The following PLA2G4D variants were observed in gnomAD, a reference collection of about 807,000 sequenced individuals.
PLA2G4D encodes cytosolic phospholipase A2 delta.
A neutral mutation model predicts 94.4 loss-of-function variants in PLA2G4D; 80 were observed. The ratio of observed to expected loss-of-function variants is 0.85; its 90% CI spans 0.71 to 1.02. The LOEUF is 1.02. Among genes scored for constraint, PLA2G4D ranks in the 50% least tolerant of loss-of-function variants. The pLI is 0.00. For missense variants in PLA2G4D, 1,050 were observed against 1,034.7 expected, an observed-to-expected ratio of 1.01 and a Z score of -0.20; for synonymous variants, 438 against 440.9, an observed-to-expected ratio of 0.99 and a Z score of 0.08.
At chr15:42,081,859 C>T (rs1224519146) in intron 9 of PLA2G4D, 25 bp from the exon 10 acceptor site, 1 of 1,614,054 alleles carries the variant, frequency 6.2e-7, no homozygotes, top group South Asian at 1.1e-5. Flanking sequence ...AGAGACTCTG[C>T]TCAGACCCTC....
rs373289672 is a variant in PLA2G4D at position 42,081,133 on chromosome 15, C to T, written c.958G>A (p.Val320Ile). The stretch of plus-strand genomic sequence containing the variant: ...GTGGCCATGATGCCCACAACGGGTA[C>T]CTGGACCACACACAGACAGGCTGGA... ...QLDRDLQEDE[V>I]PVVGIMATGG... is the part of the protein sequence containing the mutation. Residue 320 changes from valine to isoleucine, a missense_variant and splice_region_variant, in exon 12 of 20, where the codon GTA (valine) becomes ATA (isoleucine). Val to Ile is a conservative substitution (Grantham distance 29). Coordinates refer to ENST00000290472, the MANE Select transcript of PLA2G4D (RefSeq NM_178034.4). The T allele has an allele frequency of 3.1e-6, 5 of 1,613,342 alleles. No homozygotes were observed. The highest frequency in any genetic ancestry group is 4.2e-6 in the Non-Finnish European group (5 of 1,179,564).
At chr15:42,081,654 A>G in intron 10 of PLA2G4D, 40 bp from the exon 11 acceptor site, 6 of 1,611,516 alleles carry the variant, frequency 3.7e-6, no homozygotes, top group Non-Finnish European at 3.4e-6. Flanking sequence ...GGACACCTGC[A>G]TAGCTCAGCC....
In PLA2G4D at chr15:42,084,384, C is replaced by A. The variant is rs1237340293; in HGVS notation, c.472-605G>T. On this transcript the variant is annotated intron_variant, in intron 6 of 19. Coordinates refer to ENST00000290472, the MANE Select transcript of PLA2G4D (RefSeq NM_178034.4). The surrounding 1 kb of genome is among the most constrained non-coding windows in gnomAD (Gnocchi z 4.8). ...ATCACCTCCTAAGAGGCAGTGCCATCGGCTTGACTTTATTTTCATGTGTAT... is the reference window on the plus strand; with the variant it reads ...ATCACCTCCTAAGAGGCAGTGCCATAGGCTTGACTTTATTTTCATGTGTAT... Among the ~76,000 whole-genome samples the A allele has an allele frequency of 3.9e-5, 6 of 152,156 alleles. No individual in the cohort carries two copies. Among genetic ancestry groups the A allele is most frequent in the African/African-American group, 1.2e-4 (5 of 41,428 alleles).
Position 42,083,389 on chromosome 15 carries a change from G to A in PLA2G4D, c.536-55C>T, listed in dbSNP as rs562092661. On this transcript the variant is annotated intron_variant, in intron 7 of 19. Coordinates refer to ENST00000290472, the MANE Select transcript of PLA2G4D (RefSeq NM_178034.4). The stretch of plus-strand genomic sequence containing the variant: ...GAACAAGAGCCCGGAACCCCAGCTC[G>A]GACCTGGGACAGCAGCACCACCACC... 1.0e-4 allele frequency: 163 copies of A among 1,565,752 alleles called. 1 individual carries two copies. The highest frequency in any genetic ancestry group is 1.0e-3 in the African/African-American group (74 of 73,726).
chr15:42,071,895 G>C lies in PLA2G4D; in HGVS notation c.1452C>G (p.Ser484=). 6.2e-7 allele frequency: 1 copy of C among 1,614,162 alleles called. No individual in the cohort carries two copies. The highest frequency in any genetic ancestry group is 1.7e-4 in the Middle Eastern group (1 of 6,060). Residue 484 remains serine (S), a synonymous_variant, in exon 15 of 20, where the codon TCC becomes TCG. Transcript: ENST00000290472. Reference sequence around the variant, plus strand: ...ACTTCAGGAAACCGACCTCATAGGGGGAGAACTCAACCCACTCTAATGGGG... The same window carrying C: ...ACTTCAGGAAACCGACCTCATAGGGCGAGAACTCAACCCACTCTAATGGGG... ...TLDFKEWVEF[S]PYEVGFLKYG...
chr15:42,072,009 G>C, intron 14 of PLA2G4D, 98 bp from the exon 15 acceptor site: 1 of 1,433,640 alleles, frequency 7.0e-7, no homozygotes, highest in Non-Finnish European at 9.5e-7. Context: ...CAGCAGGCCT[G>C]AGCCCTGCTG....
At chr15:42,071,655 T>TCCCCCCCCCCCCCCC in intron 15 of PLA2G4D, 104 bp from the exon 16 acceptor site, 5 of 1,178,976 alleles carry the variant, frequency 4.2e-6, no homozygotes, top group Admixed American at 2.1e-5. Context: ...CTACAATGCA[T>TCCCCCCCCCCCCCCC]CCCCCCCGCC....
chr15:42,083,063 AG>A, intron 8 of PLA2G4D, 134 bp downstream of exon 8: 3 of 1,170,660 alleles, frequency 2.6e-6, no homozygotes, highest in Non-Finnish European at 3.5e-6. Context: ...GCCAAGAGTG[AG>A]GTGCCTAACT....
chr15:42,068,613 G>A lies in PLA2G4D; in HGVS notation c.*102C>T. On this transcript the variant is annotated 3_prime_UTR_variant, in exon 20 of 20. Coordinates refer to ENST00000290472, the MANE Select transcript of PLA2G4D (RefSeq NM_178034.4). ...CCAGCTACAGAGGCCACCCAGGCCT[G>A]GGAGAGCCCAGAACTCCAACCAGGA... is the stretch of plus-strand genomic sequence containing the variant. The A allele has an allele frequency of 8.7e-7, 1 of 1,151,324 alleles. No individual in the cohort carries two copies. The highest frequency in any genetic ancestry group is 1.2e-6 in the Non-Finnish European group (1 of 820,970). The allele number at this position is 1,151,324 out of a possible 1,614,324, so 71.3% of individuals were successfully genotyped here.
At chr15:42,081,420 G>C in intron 11 of PLA2G4D, 59 bp downstream of exon 11, 2 of 1,575,900 alleles carry the variant, frequency 1.3e-6, no homozygotes, top group South Asian at 2.4e-5. Flanking sequence ...ATAGGAATCA[G>C]GTACTCCCTT....
chr15:42,080,125 T>C (rs1465662680), intron 12 of PLA2G4D, among the ~76,000 whole-genome samples: 1 of 152,250 alleles, frequency 6.6e-6, no homozygotes, highest in African/African-American at 2.4e-5. Context: ...CCAAATTCAC[T>C]GTGTATTTAT....
At chr15:42,091,226 A>G (rs1190299824) in intron 1 of PLA2G4D, among the ~76,000 whole-genome samples, 1 of 152,242 alleles carries the variant, frequency 6.6e-6, no homozygotes, top group Non-Finnish European at 1.5e-5. Flanking sequence ...AAAATATAAA[A>G]CAAGAATAGT....
rs778212091 is a variant in PLA2G4D, at chr15:42,071,233, A to C, written c.1766T>G (p.Phe589Cys). ...LQPGTALAQA[F>C]KGFLTGRPLH... ...GGGCCTGCCTGTCAGGAAGCCTTTA[A>C]ATGCCTGGGCCAGCGCCGTGCCTGG... The change falls in exon 17 of 20, where the codon TTT (phenylalanine) becomes TGT (cysteine). Residue 589 changes from phenylalanine (F) to cysteine (C), a missense_variant. Coordinates refer to ENST00000290472, the MANE Select transcript of PLA2G4D (RefSeq NM_178034.4). The C allele has an allele frequency of 4.3e-6, 7 of 1,612,970 alleles. No homozygotes were observed. The East Asian group carries it at 1.6e-4, about 36-fold the overall frequency.
At position 42,089,318 on chromosome 15, in the gene PLA2G4D, G is replaced by A. The variant is rs973886393; in HGVS notation, c.46-1618C>T. ...CTAGGGGCTGGCTCAGCACCCACGG[G>A]GACCTGAATCTCCACTCCCCACCAA... On this transcript the variant is annotated intron_variant, in intron 1 of 19. Transcript: ENST00000290472. Among the ~76,000 whole-genome samples, 4 of 152,192 alleles carry A rather than the reference G, an allele frequency of 2.6e-5. No individual in the cohort carries two copies. The East Asian group carries it at 7.7e-4, about 29-fold the overall frequency.
chr15:42,086,473 A>T, intron 3 of PLA2G4D, 129 bp from the exon 4 acceptor site: 2 of 852,208 alleles, frequency 2.3e-6, no homozygotes, highest in Non-Finnish European at 3.6e-6. Flanking sequence ...GCGCTTCAAA[A>T]TAAAAAAAAA....
intron 1 of PLA2G4D, among the ~76,000 whole-genome samples, chr15:42,090,990 G>T (rs912273583): frequency 6.6e-6 from 1 of 152,092 alleles, no homozygotes; most frequent in African/African-American, 2.4e-5. Flanking sequence ...TCCAGTAAAA[G>T]CTTCCCTTTC....
At chr15:42,072,415 C>T in intron 13 of PLA2G4D, 23 bp from the exon 14 acceptor site, 1 of 1,587,928 alleles carries the variant, frequency 6.3e-7, no homozygotes, top group Non-Finnish European at 8.6e-7. Context: ...GGCATCAGGG[C>T]CTAAGTGAGG....
At chr15:42,083,152 C>T (rs1890072157) in intron 8 of PLA2G4D, 46 bp downstream of exon 8, 1 of 1,583,240 alleles carries the variant, frequency 6.3e-7, no homozygotes. Context: ...GCAGCTGGAG[C>T]TGCCCAAGCC....
intron 13 of PLA2G4D, among the ~76,000 whole-genome samples, chr15:42,079,059 A>C (rs938205432): frequency 2.0e-5 from 3 of 152,216 alleles, no homozygotes; most frequent in African/African-American, 7.2e-5. Flanking sequence ...ATGACTTAAG[A>C]ACTATTCTTA....
Sources: allele counts gnomAD v4.1 joint callset (sites outside exome capture counted in the v4.1 genomes callset), GRCh38; gene constraint gnomAD v4.1.1; non-coding constraint Gnocchi (gnomAD v3.1); transcripts MANE v1.5; gene names NCBI Gene and HGNC (gene_info 2026-07-23, HGNC 2026-07-21).